Variants in FBXO15 observed in about 807,000 individuals in gnomAD.
FBXO15 encodes F-box only protein 15.
Under a neutral mutation model 49.5 loss-of-function variants are expected in FBXO15, and 30 were observed. The observed-to-expected ratio is 0.61, with a 90% CI of 0.45 to 0.82. The LOEUF (loss-of-function observed/expected upper bound fraction) is 0.82. Among genes scored for constraint, FBXO15 ranks in the 40% least tolerant of loss-of-function variants. The pLI is 0.00. For synonymous variants in FBXO15, 250 were observed against 232.7 expected (o/e 1.07, Z -0.68); for missense variants, 591 against 631.5 (o/e 0.94, Z 0.69).
At chr18:74,080,739 G>A (rs1002014597) in intron 9 of FBXO15, among the ~76,000 whole-genome samples, 4 of 152,226 alleles carry the variant, frequency 2.6e-5, no homozygotes, top group Non-Finnish European at 4.4e-5. Flanking sequence ...TGTTTTTAAT[G>A]ATCAGAACTG....
At chr18:74,100,930 A>G (rs1269295256) in intron 8 of FBXO15, among the ~76,000 whole-genome samples, 1 of 152,106 alleles carries the variant, frequency 6.6e-6, no homozygotes, top group Non-Finnish European at 1.5e-5. Flanking sequence ...ATTACCACCA[A>G]CAAAAAAGTC....
rs568925843 is a variant in FBXO15 at position 74,096,169 on chromosome 18, G to A, written c.1139-14118C>T. 2.4e-3 allele frequency among the ~76,000 whole-genome samples: 371 copies of A among 152,248 alleles called. 3 individuals carry two copies. Among genetic ancestry groups the A allele is most frequent in the African/African-American group, 8.6e-3 (357 of 41,546 alleles). On this transcript the variant is annotated intron_variant, in intron 8 of 9. Coordinates refer to ENST00000419743, the MANE Select transcript of FBXO15 (RefSeq NM_001142958.2). Reference sequence around the variant, plus strand: ...CTTTAAGCCATGGGAAGTACTGAGCGTGCCTGAGAGAGAAATATCCTTGAG... The same window carrying A: ...CTTTAAGCCATGGGAAGTACTGAGCATGCCTGAGAGAGAAATATCCTTGAG...
At chr18:74,130,232 G>A (rs192241928) in intron 4 of FBXO15, among the ~76,000 whole-genome samples, 184 bp downstream of exon 4, 2 of 152,216 alleles carry the variant, frequency 1.3e-5, no homozygotes, top group African/African-American at 2.4e-5. Context: ...TTTCTGATCT[G>A]CAGTTGGTTG....
rs1028067113 is a variant in FBXO15, at chr18:74,094,152, T to C, written c.1139-12101A>G. ...AGTAATACCTTGAAAGAAATTGATA[T>C]AGTCTAGATATGTATCTCTGCCAAA... On this transcript the variant is annotated intron_variant, in intron 8 of 9. Transcript: ENST00000419743. 5.3e-5 allele frequency among the ~76,000 whole-genome samples: 8 copies of C among 152,340 alleles called. No homozygotes were observed. In the East Asian group the frequency reaches 1.2e-3, roughly 22 times the overall value.
intron 2 of FBXO15, among the ~76,000 whole-genome samples, chr18:74,137,396 C>T (rs1006825664): frequency 1.3e-5 from 2 of 152,004 alleles, no homozygotes; most frequent in Non-Finnish European, 2.9e-5. Flanking sequence ...TACCATTGAA[C>T]AAAAAAACAG....
intron 8 of FBXO15, among the ~76,000 whole-genome samples, chr18:74,084,517 C>G (rs1307332984): frequency 2.0e-5 from 3 of 152,224 alleles, no homozygotes; most frequent in African/African-American, 7.2e-5. Context: ...AGCCACAGAG[C>G]ATGGCTTTGC....
intron 3 of FBXO15, among the ~76,000 whole-genome samples, chr18:74,133,267 C>A (rs138669756): frequency 1.2e-4 from 18 of 152,200 alleles, no homozygotes; most frequent in South Asian, 2.1e-4. Flanking sequence ...TATTTCCAAA[C>A]GGCAACTTCC....
intron 8 of FBXO15, among the ~76,000 whole-genome samples, chr18:74,121,808 C>G (rs1788547253): frequency 6.6e-6 from 1 of 152,160 alleles, no homozygotes; most frequent in Admixed American, 6.5e-5. Context: ...CACATTTCTT[C>G]CACCACAGGA....
chr18:74,135,948 G>C, intron 2 of FBXO15, 82 bp from the exon 3 acceptor site: 1 of 1,121,852 alleles, frequency 8.9e-7, no homozygotes, highest in East Asian at 2.5e-5. Context: ...ACAACTGGCT[G>C]CTCATCTCTA....
In FBXO15 at chr18:74,130,541, T is replaced by C. The variant is rs1978332094; in HGVS notation, c.450A>G (p.Glu150=). The C allele has an allele frequency of 6.2e-7, 1 of 1,614,090 alleles. No individual in the cohort carries two copies. Among genetic ancestry groups the C allele is most frequent in the South Asian group, 1.1e-5 (1 of 91,088 alleles). The part of the protein sequence containing the change: ...SMSFLSVQDK[E]AGYWKKEYIT... ...TATATTCTTTCTTCCAATAACCAGC[T>C]TCTTTATCCTGAACTGACAGAAAGC... Residue 150 remains glutamate, a synonymous_variant, in exon 4 of 10, where the codon GAA becomes GAG. Transcript: ENST00000419743.
intron 9 of FBXO15, among the ~76,000 whole-genome samples, chr18:74,077,686 G>C (rs1208491012): frequency 1.3e-5 from 2 of 152,212 alleles, no homozygotes; most frequent in Non-Finnish European, 2.9e-5. Flanking sequence ...CACTGAGGCT[G>C]AGAATGGGGG....
intron 4 of FBXO15, 141 bp from the exon 5 acceptor site, chr18:74,129,755 T>C (rs1475789612): frequency 5.9e-6 from 4 of 682,256 alleles, no homozygotes; most frequent in Non-Finnish European, 9.7e-6. Context: ...CAGTATAATT[T>C]TCACTTCAAC....
chr18:74,116,603 G>A (rs980406704), intron 8 of FBXO15, among the ~76,000 whole-genome samples: 15 of 152,066 alleles, frequency 9.9e-5, no homozygotes, highest in African/African-American at 3.6e-4. Context: ...CCAGTAACCT[G>A]TCTGGACACT....
chr18:74,110,519 T>C (rs1406798666), intron 8 of FBXO15, among the ~76,000 whole-genome samples: 1 of 150,734 alleles, frequency 6.6e-6, no homozygotes, highest in Non-Finnish European at 1.5e-5. Flanking sequence ...AAGTAACAAA[T>C]AGAAAACAAT....
intron 8 of FBXO15, among the ~76,000 whole-genome samples, chr18:74,107,801 C>T (rs1913837072): frequency 6.6e-6 from 1 of 152,050 alleles, no homozygotes. Context: ...AAGGTAACAC[C>T]AAAATGTACC....
At chr18:74,091,065 C>A (rs1190151139) in intron 8 of FBXO15, among the ~76,000 whole-genome samples, 1 of 152,156 alleles carries the variant, frequency 6.6e-6, no homozygotes, top group Admixed American at 6.5e-5. Flanking sequence ...CTATATAAAT[C>A]TGGGTGTTCC....
chr18:74,076,321 G>A (rs1433266210), intron 9 of FBXO15: 1 of 152,308 alleles, frequency 6.6e-6, no homozygotes, highest in Non-Finnish European at 1.5e-5. Flanking sequence ...TGACTGTTTA[G>A]GCAGTGCGGC....
intron 1 of FBXO15, among the ~76,000 whole-genome samples, chr18:74,146,704 C>A (rs1979436356): frequency 6.6e-6 from 1 of 152,108 alleles, no homozygotes. Flanking sequence ...AGCAACAGGG[C>A]TGGGCTTCTG....
intron 4 of FBXO15, 97 bp from the exon 5 acceptor site, chr18:74,129,711 T>C: frequency 9.9e-7 from 1 of 1,010,442 alleles, no homozygotes; most frequent in East Asian, 2.5e-5. Context: ...ATCTAGTTCC[T>C]TAAAAGCCAA....
Sources: gnomAD v4.1 joint callset for allele counts (sites outside exome capture counted in the v4.1 genomes callset) on GRCh38, gnomAD v4.1.1 for gene constraint, MANE v1.5 for transcripts, NCBI Gene and HGNC (gene_info 2026-07-23, HGNC 2026-07-21) for gene names.